The following APLF variants were observed in gnomAD, a reference collection of about 807,000 sequenced individuals.
APLF encodes aprataxin and PNKP like factor, also known as aprataxin and PNK-like factor.
In APLF, 61 loss-of-function variants were observed where a neutral mutation model predicts 55.6. The observed-to-expected ratio is 1.10, with a 90% CI of 0.89 to 1.36. The LOEUF (loss-of-function observed/expected upper bound fraction) is 1.36, where lower values mean the gene tolerates loss of function less well. Among genes scored for constraint, APLF ranks in the 40% most tolerant of loss-of-function variants. The probability of loss-of-function intolerance (pLI) is 0.00; values close to 1 mark genes in which losing one functional copy is unlikely to be tolerated. For synonymous variants in APLF, 207 were observed against 214.8 expected (o/e 0.96, Z 0.32); for missense variants, 611 against 602.5 (o/e 1.01, Z -0.15).
At chr2:68,572,063 A>C (rs150967295) in intron 9 of APLF, among the ~76,000 whole-genome samples, 159 of 146,120 alleles carry the variant, frequency 1.1e-3, no homozygotes, top group African/African-American at 4.2e-3. Context: ...TTTTTTATTC[A>C]GAAGTTGAAA....
intron 8 of APLF, among the ~76,000 whole-genome samples, chr2:68,559,344 C>A (rs1029037359): frequency 1.3e-5 from 2 of 152,084 alleles, no homozygotes; most frequent in Admixed American, 6.6e-5. Context: ...TGCAGAGCCA[C>A]GGGGCTCAGT....
At chr2:68,472,906 A>G (rs887891145) in intron 1 of APLF, among the ~76,000 whole-genome samples, 4 of 152,178 alleles carry the variant, frequency 2.6e-5, no homozygotes, top group African/African-American at 7.2e-5. Context: ...CTGAGTGGAA[A>G]GTACAGAGAG....
At chr2:68,520,671 G>A (rs981780411) in intron 5 of APLF, among the ~76,000 whole-genome samples, 1 of 151,814 alleles carries the variant, frequency 6.6e-6, no homozygotes, top group Non-Finnish European at 1.5e-5. Context: ...TGGTCTATGT[G>A]CCTGTTTTTA....
At chr2:68,551,148 T>A (rs969445720) in intron 8 of APLF, among the ~76,000 whole-genome samples, 34 of 152,132 alleles carry the variant, frequency 2.2e-4, no homozygotes, top group African/African-American at 8.2e-4. Flanking sequence ...ATACCTTTTC[T>A]TTTATCATTT....
chr2:68,496,791 C>T (rs1028432998), intron 2 of APLF, among the ~76,000 whole-genome samples: 1 of 152,196 alleles, frequency 6.6e-6, no homozygotes, highest in African/African-American at 2.4e-5. Context: ...ATAAGTTCCT[C>T]ATTTCCATCT....
chr2:68,548,109 T>C (rs371009436), intron 8 of APLF, among the ~76,000 whole-genome samples: 6 of 152,004 alleles, frequency 3.9e-5, no homozygotes, highest in African/African-American at 1.4e-4. Context: ...TCCAGATGAA[T>C]TGGTGTCTTC....
chr2:68,563,031 C>G (rs1212953762), intron 8 of APLF: 5 of 982,442 alleles, frequency 5.1e-6, no homozygotes, highest in Non-Finnish European at 6.0e-6. Flanking sequence ...CATAGATACT[C>G]TTTTCCTTCA....
chr2:68,518,651 C>A, intron 5 of APLF, among the ~76,000 whole-genome samples: 2 of 122,248 alleles, frequency 1.6e-5, no homozygotes, highest in South Asian at 2.4e-4. Flanking sequence ...ATTAATATAT[C>A]ATGAATATAT....
chr2:68,510,253 A>G (rs1677005641), intron 3 of APLF, among the ~76,000 whole-genome samples: 1 of 151,878 alleles, frequency 6.6e-6, no homozygotes, highest in African/African-American at 2.4e-5. Flanking sequence ...GAAAGTGAAA[A>G]GACAACCACA....
chr2:68,495,059 C>T lies in APLF; in HGVS notation c.168+4798C>T, dbSNP rs542458762. On this transcript the variant is annotated intron_variant, in intron 2 of 9. Transcript: ENST00000303795. Reference sequence around the variant, plus strand: ...AATACTTCCCACCAGGCCCCACCTCCAGCATTTGTGGATTACAATTCAACA... The same window carrying T: ...AATACTTCCCACCAGGCCCCACCTCTAGCATTTGTGGATTACAATTCAACA... Among the ~76,000 whole-genome samples, 20 of 152,296 alleles carry T rather than the reference C, an allele frequency of 1.3e-4. No homozygotes were observed. In the East Asian group the frequency reaches 1.9e-3, roughly 15 times the overall value.
In APLF at chr2:68,467,831, AGT is replaced by A. The variant is rs1337802080; in HGVS notation, c.96+8_96+9del. On this transcript the variant is annotated splice_donor_5th_base_variant and intron_variant, in intron 1 of 9. Coordinates refer to ENST00000303795, the MANE Select transcript of APLF (RefSeq NM_173545.3). ...CGGCCGCGGGCCGCTGCTGGGAGTA[AGT>A]GTGGGCGGGGGCTTAGCGGACCCCG... 7 of 1,232,212 alleles carry A rather than the reference AGT, an allele frequency of 5.7e-6. No homozygotes were observed. Among genetic ancestry groups the A allele is most frequent in the Non-Finnish European group, 7.1e-6 (7 of 987,936 alleles). 76.3% of individuals were successfully genotyped at this position (1,232,212 alleles called of 1,614,324 possible).
chr2:68,491,854 A>G (rs1676370216), intron 2 of APLF, among the ~76,000 whole-genome samples: 1 of 152,146 alleles, frequency 6.6e-6, no homozygotes, highest in African/African-American at 2.4e-5. Context: ...TTTGTGAACA[A>G]ATTAACCAGT....
chr2:68,496,341 G>A (rs1676546256), intron 2 of APLF, among the ~76,000 whole-genome samples: 1 of 152,118 alleles, frequency 6.6e-6, no homozygotes, highest in South Asian at 2.1e-4. Context: ...CTGACCTCAG[G>A]TGATTCACCA....
intron 6 of APLF, among the ~76,000 whole-genome samples, chr2:68,534,252 A>G (rs1183630818): frequency 6.6e-6 from 1 of 152,234 alleles, no homozygotes; most frequent in Non-Finnish European, 1.5e-5. Context: ...TTTGAGGAGC[A>G]TAGAACATTG....
chr2:68,564,333 G>T (rs1423641685), intron 8 of APLF, among the ~76,000 whole-genome samples: 1 of 152,044 alleles, frequency 6.6e-6, no homozygotes, highest in Non-Finnish European at 1.5e-5. Context: ...ACACAATCTT[G>T]TATAGAATCT....
chr2:68,527,881 T>C (rs1253800570), intron 6 of APLF, among the ~76,000 whole-genome samples: 3,056 of 53,120 alleles, frequency 0.058, no homozygotes, highest in Middle Eastern at 0.13. Context: ...CAGAGGCGCT[T>C]CTCACTTCCC....
chr2:68,497,523 C>T (rs530783074), intron 2 of APLF, among the ~76,000 whole-genome samples: 1 of 152,174 alleles, frequency 6.6e-6, no homozygotes, highest in Admixed American at 6.5e-5. Flanking sequence ...TGAAAGTTTC[C>T]TGAGGCCTCC....
intron 1 of APLF, among the ~76,000 whole-genome samples, chr2:68,483,038 A>G (rs918165962): frequency 1.3e-5 from 2 of 151,904 alleles, no homozygotes; most frequent in East Asian, 1.9e-4. Flanking sequence ...ATTGCATTAC[A>G]GTCCTTCATG....
At chr2:68,510,193 T>C (rs556267214) in intron 3 of APLF, among the ~76,000 whole-genome samples, 5 of 151,894 alleles carry the variant, frequency 3.3e-5, no homozygotes, top group Admixed American at 3.3e-4. Flanking sequence ...GTTGCGCACA[T>C]GTACCCTAGA....
Sources: gnomAD v4.1 joint callset for allele counts (sites outside exome capture counted in the v4.1 genomes callset) on GRCh38, gnomAD v4.1.1 for gene constraint, MANE v1.5 for transcripts, NCBI Gene and HGNC (gene_info 2026-07-23, HGNC 2026-07-21) for gene names.